Variants in ACAD9 observed in about 807,000 individuals in gnomAD.
ACAD9 encodes acyl-CoA dehydrogenase family member 9.
In ACAD9, 53 loss-of-function variants were observed where a neutral mutation model predicts 70.2. That is an observed-to-expected ratio of 0.75 (90% CI 0.61 to 0.95). The LOEUF (loss-of-function observed/expected upper bound fraction) is 0.95, where lower values mean the gene tolerates loss of function less well. ACAD9 is among the 40% of genes least tolerant of loss of function. ACAD9 has a pLI of 0.00. For missense variants in ACAD9, 777 were observed against 802.8 expected (o/e 0.97, Z 0.39); for synonymous variants, 313 against 312.1 (o/e 1.00, Z -0.03).
At position 128,912,763 on chromosome 3, in the gene ACAD9, C is replaced by T. The variant is rs375296800; in HGVS notation, c.*156C>T. On this transcript the variant is annotated 3_prime_UTR_variant, in exon 18 of 18. Transcript: ENST00000308982. ...GGGTTGTCGCCTGGCCTGGGAGAGCCTCTTCCAGGTTTTGACCTGCAGGCA... is the reference window on the plus strand; with the variant it reads ...GGGTTGTCGCCTGGCCTGGGAGAGCTTCTTCCAGGTTTTGACCTGCAGGCA... 5.5e-5 allele frequency: 43 copies of T among 779,202 alleles called. No individual in the cohort carries two copies. The highest frequency in any genetic ancestry group is 2.2e-4 in the Middle Eastern group (1 of 4,446). 48.3% of individuals were successfully genotyped at this position (779,202 alleles called of 1,614,324 possible).
intron 6 of ACAD9, chr3:128,898,428 C>T (rs1028880859): frequency 4.5e-6 from 2 of 441,172 alleles, no homozygotes; most frequent in African/African-American, 4.6e-5. Context: ...TCTTTTGAGA[C>T]AGGGTCCCGC....
intron 2 of ACAD9, among the ~76,000 whole-genome samples, chr3:128,886,015 T>TA (rs1418343660): frequency 3.6e-4 from 51 of 140,960 alleles, no homozygotes; most frequent in South Asian, 6.7e-4. Context: ...TGACTTTGTC[T>TA]AAAAAAAAAA....
At chr3:128,908,124 T>G in intron 12 of ACAD9, 61 bp from the exon 13 acceptor site, 2 of 1,518,854 alleles carry the variant, frequency 1.3e-6, no homozygotes, top group East Asian at 4.5e-5. Flanking sequence ...CCAGCACACG[T>G]GGCACTACCA....
At chr3:128,894,796 A>G (rs919291107) in intron 3 of ACAD9, among the ~76,000 whole-genome samples, 1 of 151,888 alleles carries the variant, frequency 6.6e-6, no homozygotes. Flanking sequence ...CAGCCTCCCA[A>G]AGCGCCGGGA....
rs1184211941 is a variant in ACAD9, at chr3:128,906,113, C to A, written c.1150-8C>A. ...CTTTTGGAAAGGATTCAGTGTGACA[C>A]CCCACAGGTGTTCAGCTCCGAGGCC... is the stretch of plus-strand genomic sequence containing the variant. On this transcript the variant is annotated splice_polypyrimidine_tract_variant and splice_region_variant and intron_variant, in intron 11 of 17. Coordinates refer to ENST00000308982, the MANE Select transcript of ACAD9 (RefSeq NM_014049.5). 1.2e-6 allele frequency: 2 copies of A among 1,614,152 alleles called. No individual in the cohort carries two copies. Among genetic ancestry groups the A allele is most frequent in the South Asian group, 2.2e-5 (2 of 91,090 alleles).
In ACAD9 at chr3:128,906,016, C is replaced by T. The variant is rs369425049; in HGVS notation, c.1150-105C>T. 89 of 1,521,406 alleles carry T rather than the reference C, an allele frequency of 5.8e-5. No individual in the cohort carries two copies. The East Asian group carries it at 1.8e-3, about 31-fold the overall frequency. 94.2% of individuals were successfully genotyped at this position (1,521,406 alleles called of 1,614,324 possible). ...CATCACCCCTCAAGTTCCTCCCTGG[C>T]CGATCTCCTCCCCAAGCCCGTGTGC... On this transcript the variant is annotated intron_variant, in intron 11 of 17. Coordinates refer to ENST00000308982, the MANE Select transcript of ACAD9 (RefSeq NM_014049.5).
chr3:128,909,192 T>C, intron 14 of ACAD9, 93 bp downstream of exon 14: 1 of 1,600,910 alleles, frequency 6.2e-7, no homozygotes. Flanking sequence ...GGGTCTGGGC[T>C]TCTCCAGGGG....
At position 128,904,505 on chromosome 3, in the gene ACAD9, G is replaced by A. The variant is rs1180384356; in HGVS notation, c.1149G>A (p.Lys383=). ...PDCSIEAAMV[K]VFSSEAAWQC... ...GCTCCATCGAGGCAGCCATGGTGAA[G>A]GTAACCCTGGCATAGCCAGAGAGCT... Residue 383 remains lysine (K), a splice_region_variant and synonymous_variant, in exon 11 of 18, where the codon AAG becomes AAA. Coordinates refer to ENST00000308982, the MANE Select transcript of ACAD9 (RefSeq NM_014049.5). 1.2e-6 allele frequency: 2 copies of A among 1,613,754 alleles called. No homozygotes were observed.
intron 9 of ACAD9, 78 bp from the exon 10 acceptor site, chr3:128,903,984 A>G (rs1935816494): frequency 2.0e-6 from 3 of 1,467,404 alleles, no homozygotes; most frequent in African/African-American, 2.8e-5. Context: ...TGGGAAGGGT[A>G]AGGATGATGG....
intron 5 of ACAD9, 151 bp downstream of exon 5, chr3:128,896,687 C>T: frequency 1.3e-6 from 1 of 782,762 alleles, no homozygotes; most frequent in Non-Finnish European, 2.2e-6. Flanking sequence ...TCTTGCCATT[C>T]CTCTTATCTT....
chr3:128,894,949 T>C (rs1374519561), intron 3 of ACAD9, among the ~76,000 whole-genome samples: 1 of 146,656 alleles, frequency 6.8e-6, no homozygotes, highest in African/African-American at 2.6e-5. Context: ...CGATCTTGGC[T>C]CACTGCAATC....
rs1183016573 is a variant in ACAD9, at chr3:128,909,039, G to C, written c.1425G>C (p.Leu475=). The C allele has an allele frequency of 1.9e-6, 3 of 1,614,148 alleles. No individual in the cohort carries two copies. Among genetic ancestry groups the C allele is most frequent in the Non-Finnish European group, 2.5e-6 (3 of 1,180,036 alleles). ...TTGGCCGGAGGCTTCGGGACTCCCTGGGCCGAACTGTGGACCTGGGGCTGA... is the reference window on the plus strand; with the variant it reads ...TTGGCCGGAGGCTTCGGGACTCCCTCGGCCGAACTGTGGACCTGGGGCTGA... ...DTVGRRLRDS[L]GRTVDLGLTG... The change falls in exon 14 of 18, where the codon CTG becomes CTC. Residue 475 remains leucine (L), a synonymous_variant. Transcript: ENST00000308982.
At chr3:128,889,509 C>T (rs1026522809) in intron 2 of ACAD9, among the ~76,000 whole-genome samples, 1 of 152,214 alleles carries the variant, frequency 6.6e-6, no homozygotes, top group African/African-American at 2.4e-5. Flanking sequence ...ACTCATTACC[C>T]GTCAAAGTTT....
chr3:128,886,882 C>CT (rs751765275), intron 2 of ACAD9, among the ~76,000 whole-genome samples: 3,400 of 143,120 alleles, frequency 0.024, 48 homozygotes, highest in Non-Finnish European at 0.03. Flanking sequence ...ACTGTGCAGT[C>CT]TTTTTTTTTT....
intron 1 of ACAD9, among the ~76,000 whole-genome samples, chr3:128,882,869 A>G (rs746035804): frequency 6.6e-6 from 1 of 152,110 alleles, no homozygotes; most frequent in Non-Finnish European, 1.5e-5. Flanking sequence ...CGCCCCTGCA[A>G]TCTCTCCTGT....
intron 7 of ACAD9, among the ~76,000 whole-genome samples, chr3:128,900,038 T>C (rs1453770577): frequency 6.6e-6 from 1 of 152,128 alleles, no homozygotes; most frequent in African/African-American, 2.4e-5. Flanking sequence ...TTCGAGTGAT[T>C]CTCCTGTCTC....
Position 128,908,147 on chromosome 3 carries a change from C to G in ACAD9, c.1279-38C>G. On this transcript the variant is annotated intron_variant, in intron 12 of 17. Coordinates refer to ENST00000308982, the MANE Select transcript of ACAD9 (RefSeq NM_014049.5). ...CGTGGCACTACCATGGCTGCCTGGC[C>G]GGGGGGCAGCCTTTGACCTCTACAC... The G allele has an allele frequency of 2.5e-6, 4 of 1,602,302 alleles. No individual in the cohort carries two copies. In the South Asian group the frequency reaches 3.3e-5, roughly 13 times the overall value.
At chr3:128,911,328 G>T (rs550198355) in intron 17 of ACAD9, among the ~76,000 whole-genome samples, 138 of 152,278 alleles carry the variant, frequency 9.1e-4, no homozygotes, top group Non-Finnish European at 1.3e-3. Flanking sequence ...AAAATGCTGG[G>T]ATTACAGGCA....
rs1013062093 is a variant in ACAD9 at position 128,910,833 on chromosome 3, G to A, written c.1765+20G>A. The A allele has an allele frequency of 6.2e-7, 1 of 1,613,818 alleles. No homozygotes were observed. The stretch of plus-strand genomic sequence containing the variant: ...ACAAGTGTGAGTGGCATGTCTTGGG[G>A]GAGGGAAGGAAGGGCCCACTTCTAG... On this transcript the variant is annotated intron_variant, in intron 17 of 17. Transcript: ENST00000308982.
Sources: allele counts gnomAD v4.1 joint callset (sites outside exome capture counted in the v4.1 genomes callset), GRCh38; gene constraint gnomAD v4.1.1; transcripts MANE v1.5; gene names NCBI Gene and HGNC (gene_info 2026-07-23, HGNC 2026-07-21).